The following RBKS variants were observed in gnomAD, a reference collection of about 807,000 sequenced individuals.
RBKS encodes the protein ribokinase.
Under a neutral mutation model 33.9 loss-of-function variants are expected in RBKS, and 33 were observed. The ratio of observed to expected loss-of-function variants is 0.97; its 90% CI spans 0.74 to 1.30. The LOEUF is 1.30. Among genes scored for constraint, RBKS ranks in the 50% most tolerant of loss-of-function variants. RBKS has a pLI of 0.00. For missense variants in RBKS, 361 were observed against 392.6 expected (o/e 0.92, Z 0.68); for synonymous variants, 125 against 143.0 (o/e 0.87, Z 0.90).
intron 7 of RBKS, among the ~76,000 whole-genome samples, chr2:27,783,584 T>G (rs1487642471): frequency 6.6e-6 from 1 of 152,026 alleles, no homozygotes; most frequent in Non-Finnish European, 1.5e-5. Flanking sequence ...TTCAGGACAA[T>G]TTAAATGTGA....
chr2:27,865,776 G>A (rs56275743), intron 1 of RBKS, among the ~76,000 whole-genome samples: 12,484 of 151,688 alleles, frequency 0.082, 805 homozygotes, highest in African/African-American at 0.17. Context: ...ATCTTAAACT[G>A]ATCACACTTT....
intron 1 of RBKS, among the ~76,000 whole-genome samples, chr2:27,874,670 G>C (rs1288086339): frequency 6.6e-6 from 1 of 152,172 alleles, no homozygotes; most frequent in Non-Finnish European, 1.5e-5. Context: ...AATTGCTACA[G>C]TATTTTGTCA....
At chr2:27,859,101 G>C (rs1202757200) in intron 1 of RBKS, among the ~76,000 whole-genome samples, 2 of 152,170 alleles carry the variant, frequency 1.3e-5, no homozygotes, top group Non-Finnish European at 2.9e-5. Flanking sequence ...CTAAGGGGTA[G>C]AGTAAGAGTG....
At chr2:27,874,026 T>C (rs1664266441) in intron 1 of RBKS, among the ~76,000 whole-genome samples, 2 of 152,196 alleles carry the variant, frequency 1.3e-5, no homozygotes, top group South Asian at 2.1e-4. Context: ...GCAAGGCAGA[T>C]AGAAATATTT....
At chr2:27,863,422 G>T (rs537674843) in intron 1 of RBKS, among the ~76,000 whole-genome samples, 266 of 152,186 alleles carry the variant, frequency 1.7e-3, no homozygotes, top group African/African-American at 6.2e-3. Context: ...AATAATACTT[G>T]TCAACTCCTT....
intron 7 of RBKS, among the ~76,000 whole-genome samples, chr2:27,814,810 AG>A (rs1265110176): frequency 6.6e-6 from 1 of 152,210 alleles, no homozygotes; most frequent in African/African-American, 2.4e-5. Context: ...GCTTTTTCAG[AG>A]GTTGTACCAC....
At position 27,847,987 on chromosome 2, in the gene RBKS, C is replaced by A. The variant is rs1314376398; in HGVS notation, c.286+47G>T. 4 of 1,079,304 alleles carry A rather than the reference C, an allele frequency of 3.7e-6. No homozygotes were observed. In the Admixed American group the frequency reaches 9.1e-5, roughly 25 times the overall value. The allele number at this position is 1,079,304 out of a possible 1,614,324, so 66.9% of individuals were successfully genotyped here. A position where few individuals can be genotyped will look rare whatever the true frequency, so the allele number is the denominator to read the frequency against. On this transcript the variant is annotated intron_variant, in intron 3 of 7. Transcript: ENST00000302188. ...TTCAATTTTTCTCATAACAAAATCA[C>A]AGAAAAAAGCTATAAACACTAACTT... is the stretch of plus-strand genomic sequence containing the variant.
At chr2:27,888,035 A>G (rs1286199056) in intron 1 of RBKS, among the ~76,000 whole-genome samples, 14 of 152,134 alleles carry the variant, frequency 9.2e-5, no homozygotes, top group Admixed American at 9.2e-4. Context: ...GTCAAGCTTC[A>G]CAGAAAGCTC....
intron 2 of RBKS, among the ~76,000 whole-genome samples, chr2:27,857,179 G>A (rs1663874215): frequency 1.3e-5 from 2 of 152,118 alleles, no homozygotes; most frequent in Non-Finnish European, 2.9e-5. Flanking sequence ...ATGACATTTC[G>A]AGAATTTTTG....
chr2:27,807,000 G>A (rs538806764), intron 7 of RBKS, among the ~76,000 whole-genome samples: 30 of 152,322 alleles, frequency 2.0e-4, no homozygotes, highest in Non-Finnish European at 3.7e-4. Flanking sequence ...CAAGTCTAAT[G>A]ATTAAGGTGA....
chr2:27,890,068 T>A lies in RBKS; in HGVS notation c.89+189A>T. 1.8e-6 allele frequency: 1 copy of A among 563,722 alleles called. No individual in the cohort carries two copies. The highest frequency in any genetic ancestry group is 3.2e-6 in the Non-Finnish European group (1 of 316,322). 34.9% of individuals were successfully genotyped at this position (563,722 alleles called of 1,614,324 possible). A position where few individuals can be genotyped will look rare whatever the true frequency, so the allele number is the denominator to read the frequency against. On this transcript the variant is annotated intron_variant, in intron 1 of 7. Coordinates refer to ENST00000302188, the MANE Select transcript of RBKS (RefSeq NM_022128.3). This position sits in a 1 kb window ranked among gnomAD's most constrained non-coding sequence, Gnocchi z 4.8. ...CCTATTACGTCCCCTCCCCTGAGAT[T>A]TACCTTTATATACTCAAGTTCTTTC...
At chr2:27,849,388 C>A (rs1343217545) in intron 2 of RBKS, among the ~76,000 whole-genome samples, 1 of 151,288 alleles carries the variant, frequency 6.6e-6, no homozygotes, top group Non-Finnish European at 1.5e-5. Context: ...CATGGTAAAA[C>A]CCCATCTCTA....
At chr2:27,818,638 T>A (rs1678142867) in intron 7 of RBKS, among the ~76,000 whole-genome samples, 1 of 152,196 alleles carries the variant, frequency 6.6e-6, no homozygotes, top group South Asian at 2.1e-4. Flanking sequence ...GTTCTGAGAA[T>A]GTGAAGTAAT....
chr2:27,791,807 C>T (rs1332883711), intron 7 of RBKS, among the ~76,000 whole-genome samples: 5 of 151,974 alleles, frequency 3.3e-5, no homozygotes, highest in African/African-American at 1.2e-4. Flanking sequence ...AGAAAGCAGG[C>T]CAGGGGCTGG....
chr2:27,844,536 G>A (rs1208377819), intron 4 of RBKS, among the ~76,000 whole-genome samples: 1 of 151,918 alleles, frequency 6.6e-6, no homozygotes, highest in East Asian at 1.9e-4. Flanking sequence ...GGTATTGCAG[G>A]GGTGTGCCGC....
intron 5 of RBKS, among the ~76,000 whole-genome samples, chr2:27,836,336 A>G (rs903609611): frequency 6.6e-6 from 1 of 152,222 alleles, no homozygotes; most frequent in African/African-American, 2.4e-5. Flanking sequence ...GTAGGGAGCC[A>G]TGAGGCAGGA....
At chr2:27,885,072 T>C (rs942322363) in intron 1 of RBKS, among the ~76,000 whole-genome samples, 7 of 152,048 alleles carry the variant, frequency 4.6e-5, no homozygotes, top group Non-Finnish European at 5.9e-5. Context: ...ATTTGATATC[T>C]AGTAGGTACC....
At chr2:27,789,985 G>GGAGA (rs1558533164) in intron 7 of RBKS, among the ~76,000 whole-genome samples, 18 of 112,206 alleles carry the variant, frequency 1.6e-4, no homozygotes, top group African/African-American at 6.7e-4. Context: ...ATATATATAT[G>GGAGA]TAGAGAGAGA....
chr2:27,788,975 T>C lies in RBKS; in HGVS notation c.796-7187A>G, dbSNP rs369869230. ...CAATAAAAATCCCAGCTGCCAACTATTGTAAATTAATAAACTGATTTTAAA... is the reference window on the plus strand; with the variant it reads ...CAATAAAAATCCCAGCTGCCAACTACTGTAAATTAATAAACTGATTTTAAA... On this transcript the variant is annotated intron_variant, in intron 7 of 7. Transcript: ENST00000302188. 6.6e-5 allele frequency among the ~76,000 whole-genome samples: 10 copies of C among 152,276 alleles called. No homozygotes were observed. The East Asian group carries it at 7.7e-4, about 12-fold the overall frequency.
Sources: allele counts gnomAD v4.1 joint callset (sites outside exome capture counted in the v4.1 genomes callset), GRCh38; gene constraint gnomAD v4.1.1; non-coding constraint Gnocchi (gnomAD v3.1); transcripts MANE v1.5; gene names NCBI Gene and HGNC (gene_info 2026-07-23, HGNC 2026-07-21).